Variants in EMILIN2 observed in about 807,000 individuals in gnomAD.
EMILIN2 encodes the protein EMILIN-2.
EMILIN2 carries 71 observed loss-of-function variants against 87.1 expected under a neutral mutation model. The observed-to-expected ratio is 0.82, with a 90% CI of 0.67 to 0.99. EMILIN2 has a LOEUF of 0.99. EMILIN2 is among the 50% of genes least tolerant of loss of function. The probability of loss-of-function intolerance (pLI) is 0.00; values close to 1 mark genes in which losing one functional copy is unlikely to be tolerated. For synonymous variants in EMILIN2, 581 were observed against 563.4 expected (o/e 1.03, Z -0.44); for missense variants, 1,407 against 1,371.8 (o/e 1.03, Z -0.40).
At chr18:2,895,736 G>A (rs1316247203) in intron 4 of EMILIN2, among the ~76,000 whole-genome samples, 4 of 152,242 alleles carry the variant, frequency 2.6e-5, no homozygotes, top group Non-Finnish European at 5.9e-5. Context: ...AGTGGAAGCT[G>A]CTGGGCCTCC....
At chr18:2,878,254 C>T (rs527540092) in intron 2 of EMILIN2, among the ~76,000 whole-genome samples, 53 of 152,242 alleles carry the variant, frequency 3.5e-4, no homozygotes, top group African/African-American at 1.1e-3. Flanking sequence ...TTTTGGGAGG[C>T]GGAGGCCGGC....
At chr18:2,896,899 G>C (rs918213291) in intron 4 of EMILIN2, among the ~76,000 whole-genome samples, 3 of 152,166 alleles carry the variant, frequency 2.0e-5, no homozygotes, top group Non-Finnish European at 2.9e-5. Flanking sequence ...CACTTTGCGA[G>C]GCTCAGACGG....
At chr18:2,852,338 ACT>A (rs2076605688) in intron 2 of EMILIN2, among the ~76,000 whole-genome samples, 1 of 152,142 alleles carries the variant, frequency 6.6e-6, no homozygotes, top group Non-Finnish European at 1.5e-5. Context: ...TATCGGACAT[ACT>A]GCATGGACCA....
intron 4 of EMILIN2, among the ~76,000 whole-genome samples, chr18:2,896,866 G>A (rs1254780553): frequency 6.6e-6 from 1 of 152,150 alleles, no homozygotes; most frequent in East Asian, 1.9e-4. Flanking sequence ...TCTGGGCACA[G>A]TGGCTTACGC....
rs942893756 is a variant in EMILIN2, at chr18:2,915,174, A to G, written c.*1770A>G. 1 of 152,294 alleles carries G rather than the reference A, an allele frequency of 6.6e-6. No individual in the cohort carries two copies. Among genetic ancestry groups the G allele is most frequent in the African/African-American group, 2.4e-5 (1 of 41,470 alleles). 9.4% of individuals were successfully genotyped at this position (152,294 alleles called of 1,614,324 possible). A position where few individuals can be genotyped will look rare whatever the true frequency, so the allele number is the denominator to read the frequency against. On this transcript the variant is annotated 3_prime_UTR_variant, in exon 8 of 8. Transcript: ENST00000254528. ...CCTACTCCGTAGATGGGTCTGGAAC[A>G]TCGGGTAAAACCCAGTCCTCCTCTC...
At position 2,913,137 on chromosome 18, in the gene EMILIN2, C is replaced by G; in HGVS notation, c.2895C>G (p.Tyr965Ter). 2 of 1,614,014 alleles carry G rather than the reference C, an allele frequency of 1.2e-6. No homozygotes were observed. The highest frequency in any genetic ancestry group is 1.3e-5 in the African/African-American group (1 of 75,024). Residue 965 changes from tyrosine (Y) to a stop codon, truncating the protein, a stop_gained, in exon 8 of 8, where the codon TAC becomes TAG. Transcript: ENST00000254528. LOFTEE classifies it high-confidence loss of function. ...TATLTPERDA[Y>*]VEAVLSVSNA... ...CCCTCACCCCCGAGAGAGACGCCTA[C>G]GTGGAAGCAGTGCTGTCGGTCTCCA...
chr18:2,872,391 T>C (rs1568462434), intron 2 of EMILIN2, among the ~76,000 whole-genome samples: 2 of 152,318 alleles, frequency 1.3e-5, no homozygotes, highest in Non-Finnish European at 2.9e-5. Flanking sequence ...ATTGGTTTTT[T>C]TAAAATAAAA....
intron 4 of EMILIN2, among the ~76,000 whole-genome samples, chr18:2,898,529 C>T (rs531835457): frequency 3.9e-5 from 6 of 152,172 alleles, no homozygotes; most frequent in Non-Finnish European, 5.9e-5. Context: ...CCAGATGTCA[C>T]GCTTCCAAGT....
chr18:2,888,287 G>A (rs531458782), intron 3 of EMILIN2, among the ~76,000 whole-genome samples: 4 of 152,282 alleles, frequency 2.6e-5, no homozygotes, highest in Admixed American at 6.5e-5. Flanking sequence ...CACAGTCACC[G>A]TGGTATATGA....
intron 2 of EMILIN2, among the ~76,000 whole-genome samples, chr18:2,877,443 T>G (rs1174334806): frequency 1.3e-4 from 20 of 152,018 alleles, no homozygotes; most frequent in Admixed American, 5.2e-4. Context: ...ACAGTTTTTT[T>G]TTTTTTTTTT....
rs773630025 is a variant in EMILIN2, at chr18:2,913,306, G to A, written c.3064G>A (p.Val1022Ile). The change falls in exon 8 of 8, where the codon GTC becomes ATC. Residue 1022 changes from valine to isoleucine, a missense_variant. Physicochemically the swap from Val to Ile is conservative, Grantham distance 29. Coordinates refer to ENST00000254528, the MANE Select transcript of EMILIN2 (RefSeq NM_032048.3). ...VHLKAGDAVN[V>I]VVTGGKLAHT... ...CCTGAAGGCGGGAGATGCAGTCAAC[G>A]TCGTGGTGACTGGGGGCAAGCTGGC... 3.5e-5 allele frequency: 57 copies of A among 1,613,146 alleles called. No individual in the cohort carries two copies. The Admixed American group carries it at 4.8e-4, about 14-fold the overall frequency.
rs2076589105 is a variant in EMILIN2 at position 2,848,707 on chromosome 18, C to A, written c.257+776C>A. Among the ~76,000 whole-genome samples, 1 of 151,710 alleles carries A rather than the reference C, an allele frequency of 6.6e-6. No homozygotes were observed. Among genetic ancestry groups the A allele is most frequent in the Non-Finnish European group, 1.5e-5 (1 of 68,016 alleles). On this transcript the variant is annotated intron_variant, in intron 2 of 7. Transcript: ENST00000254528. The surrounding 1 kb of genome is among the most constrained non-coding windows in gnomAD (Gnocchi z 4.1). ...TGGGGGTTTTGTATCAGTCTGATAC[C>A]GGAAGATGGGCCAGTGTGAATAAAT...
At chr18:2,876,549 A>G (rs1249873197) in intron 2 of EMILIN2, among the ~76,000 whole-genome samples, 25 of 127,302 alleles carry the variant, frequency 2.0e-4, no homozygotes, top group Admixed American at 1.6e-3. Context: ...GGTGGATCAC[A>G]AGGTCAGGAG....
At chr18:2,896,111 C>G (rs1417657729) in intron 4 of EMILIN2, among the ~76,000 whole-genome samples, 1 of 151,886 alleles carries the variant, frequency 6.6e-6, no homozygotes, top group African/African-American at 2.4e-5. Context: ...CTTTTATATC[C>G]TTCTGTTAAG....
At chr18:2,886,789 T>G (rs949720694) in intron 3 of EMILIN2, among the ~76,000 whole-genome samples, 11 of 152,236 alleles carry the variant, frequency 7.2e-5, no homozygotes, top group African/African-American at 2.7e-4. Context: ...TTTTCTCTCT[T>G]TTTATTGCTA....
Position 2,913,608 on chromosome 18 carries a change from A to T in EMILIN2, c.*204A>T. 1 of 544,234 alleles carries T rather than the reference A, an allele frequency of 1.8e-6. No individual in the cohort carries two copies. The highest frequency in any genetic ancestry group is 3.2e-5 in the East Asian group (1 of 31,556). The allele number at this position is 544,234 out of a possible 1,614,324, so 33.7% of individuals were successfully genotyped here. On this transcript the variant is annotated 3_prime_UTR_variant, in exon 8 of 8. Transcript: ENST00000254528. ...AGTGAGGCACACGGTGAACATGGCCACTGACTTTTCTGCCACTCTAACTGG... is the reference window on the plus strand; with the variant it reads ...AGTGAGGCACACGGTGAACATGGCCTCTGACTTTTCTGCCACTCTAACTGG...
In EMILIN2 at chr18:2,890,420, C is replaced by A; in HGVS notation, c.434-141C>A. ...AAAGCCCATACTCTTTTCTACTGTA[C>A]CACAGTACTTACCTACAATTGTGTA... On this transcript the variant is annotated intron_variant, in intron 3 of 7. Coordinates refer to ENST00000254528, the MANE Select transcript of EMILIN2 (RefSeq NM_032048.3). This position sits in a 1 kb window ranked among gnomAD's most constrained non-coding sequence, Gnocchi z 4.7. 1.0e-6 allele frequency: 1 copy of A among 969,974 alleles called. No individual in the cohort carries two copies. Among genetic ancestry groups the A allele is most frequent in the Non-Finnish European group, 1.5e-6 (1 of 670,282 alleles). 60.1% of individuals were successfully genotyped at this position (969,974 alleles called of 1,614,324 possible).
chr18:2,846,748 G>A (rs1208838387), upstream of EMILIN2: 8 of 985,296 alleles, frequency 8.1e-6, no homozygotes, highest in African/African-American at 1.7e-5. The surrounding 1 kb of genome is among the most constrained non-coding windows in gnomAD (Gnocchi z 5.3). Context: ...TCGGAAGGTG[G>A]GAGGCGGAGT....
intron 4 of EMILIN2, among the ~76,000 whole-genome samples, chr18:2,900,134 T>G (rs1431822550): frequency 3.6e-4 from 3 of 8,254 alleles, no homozygotes; most frequent in African/African-American, 8.4e-4. Context: ...GCTTGAGGGT[T>G]TTTTTTTTCA....
Sources: gnomAD v4.1 joint callset for allele counts (sites outside exome capture counted in the v4.1 genomes callset) on GRCh38, gnomAD v4.1.1 for gene constraint, Gnocchi (gnomAD v3.1) non-coding constraint, MANE v1.5 for transcripts, NCBI Gene and HGNC (gene_info 2026-07-23, HGNC 2026-07-21) for gene names.